Variants in ADK observed in about 807,000 individuals in gnomAD.
ADK encodes N6,N6-dimethyladenosine kinase.
A neutral mutation model predicts 44.7 loss-of-function variants in ADK; 24 were observed. The ratio of observed to expected loss-of-function variants is 0.54; its 90% CI spans 0.39 to 0.76. The LOEUF is 0.76. ADK is among the 30% of genes least tolerant of loss of function. The probability of loss-of-function intolerance (pLI) is 0.00; values close to 1 mark genes in which losing one functional copy is unlikely to be tolerated. For synonymous variants in ADK, 128 were observed against 142.6 expected (o/e 0.90, Z 0.73); for missense variants, 321 against 425.1 (o/e 0.76, Z 2.15).
chr10:74,239,611 C>T (rs1845116142), intron 3 of ADK, among the ~76,000 whole-genome samples: 1 of 148,978 alleles, frequency 6.7e-6, no homozygotes, highest in East Asian at 2.0e-4. Context: ...TATCAGGAGG[C>T]TGAGGTGGGA....
At chr10:74,371,418 A>G (rs1842653950) in intron 4 of ADK, 4 of 599,690 alleles carry the variant, frequency 6.7e-6, no homozygotes, top group South Asian at 6.2e-5. Flanking sequence ...CAAAAATCTT[A>G]AGCAGTCCCC....
At chr10:74,237,800 A>G (rs1346883083) in intron 3 of ADK, among the ~76,000 whole-genome samples, 1 of 152,170 alleles carries the variant, frequency 6.6e-6, no homozygotes, top group Non-Finnish European at 1.5e-5. Flanking sequence ...ATCAATGAGC[A>G]GAAATATTTT....
At chr10:74,645,598 T>C (rs1854027107) in intron 9 of ADK, among the ~76,000 whole-genome samples, 1 of 152,208 alleles carries the variant, frequency 6.6e-6, no homozygotes, top group Non-Finnish European at 1.5e-5. Context: ...TTCTTTATAT[T>C]AATACTTACT....
chr10:74,157,513 A>G (rs1841782000), intron 1 of ADK, among the ~76,000 whole-genome samples: 2 of 152,148 alleles, frequency 1.3e-5, no homozygotes, highest in Non-Finnish European at 2.9e-5. Flanking sequence ...ACTCTAGACC[A>G]GACAAATTTG....
At chr10:74,430,009 A>G (rs1453533128) in intron 6 of ADK, among the ~76,000 whole-genome samples, 1 of 152,196 alleles carries the variant, frequency 6.6e-6, no homozygotes, top group Admixed American at 6.5e-5. Flanking sequence ...AAACAACCTT[A>G]TTAGATTGGT....
intron 6 of ADK, among the ~76,000 whole-genome samples, chr10:74,440,038 C>T (rs548162536): frequency 6.6e-6 from 1 of 152,072 alleles, no homozygotes; most frequent in African/African-American, 2.4e-5. Flanking sequence ...ATAGTACATA[C>T]AAATAATATA....
At chr10:74,427,367 T>G (rs1039496090) in intron 6 of ADK, among the ~76,000 whole-genome samples, 3 of 151,884 alleles carry the variant, frequency 2.0e-5, no homozygotes, top group Non-Finnish European at 2.9e-5. Context: ...CCTGGCTAAT[T>G]TTTTGTATTT....
intron 7 of ADK, among the ~76,000 whole-genome samples, chr10:74,535,727 C>T (rs189798517): frequency 4.0e-5 from 6 of 151,676 alleles, no homozygotes; most frequent in Admixed American, 6.6e-5. Context: ...AGACTACAGG[C>T]GTGCACAACC....
chr10:74,281,276 C>T (rs1461492553), intron 3 of ADK, among the ~76,000 whole-genome samples: 1 of 152,236 alleles, frequency 6.6e-6, no homozygotes, highest in Non-Finnish European at 1.5e-5. Flanking sequence ...TTGAGTTCTT[C>T]TTATGCTCAT....
At chr10:74,560,712 T>C (rs1377121217) in intron 7 of ADK, among the ~76,000 whole-genome samples, 1 of 152,232 alleles carries the variant, frequency 6.6e-6, no homozygotes, top group Admixed American at 6.5e-5. Flanking sequence ...TTGAGAAGCA[T>C]AGCTAGTAGC....
chr10:74,224,843 C>T (rs112701292), intron 3 of ADK, among the ~76,000 whole-genome samples: 4,862 of 152,242 alleles, frequency 0.032, 277 homozygotes, highest in African/African-American at 0.11. Flanking sequence ...TAAAGTCTTA[C>T]TGGGAAATAT....
chr10:74,246,985 G>A (rs1446132707), intron 3 of ADK, among the ~76,000 whole-genome samples: 1 of 151,570 alleles, frequency 6.6e-6, no homozygotes, highest in Non-Finnish European at 1.5e-5. Context: ...CTTCTAATAT[G>A]ATAACTAGGG....
At chr10:74,609,670 G>A (rs1445853133) in intron 9 of ADK, among the ~76,000 whole-genome samples, 1 of 151,998 alleles carries the variant, frequency 6.6e-6, no homozygotes, top group Non-Finnish European at 1.5e-5. Flanking sequence ...GCAGACCGGA[G>A]CTGTTCCTAT....
At chr10:74,635,943 C>T (rs1260574780) in intron 9 of ADK, among the ~76,000 whole-genome samples, 1 of 151,044 alleles carries the variant, frequency 6.6e-6, no homozygotes, top group Non-Finnish European at 1.5e-5. Context: ...AAAAAATTAG[C>T]TGGGCGCAGT....
chr10:74,250,749 A>G (rs1370052311), intron 3 of ADK, among the ~76,000 whole-genome samples: 1 of 152,092 alleles, frequency 6.6e-6, no homozygotes, highest in Non-Finnish European at 1.5e-5. Flanking sequence ...GAACACAGGG[A>G]TGGATTAAAA....
rs550243004 is a variant in ADK, at chr10:74,443,889, T to C, written c.555+45310T>C. Reference sequence around the variant, plus strand: ...AGAAATATATAATGTAAAAGTGTTATTATTGCTATTTTATTTCTTATTTTA... The same window carrying C: ...AGAAATATATAATGTAAAAGTGTTACTATTGCTATTTTATTTCTTATTTTA... On this transcript the variant is annotated intron_variant, in intron 6 of 10. Coordinates refer to ENST00000539909, the MANE Select transcript of ADK (RefSeq NM_006721.4). 1.5e-4 allele frequency among the ~76,000 whole-genome samples: 23 copies of C among 152,254 alleles called. No individual in the cohort carries two copies. In the East Asian group the frequency reaches 4.4e-3, roughly 29 times the overall value.
chr10:74,172,521 T>A (rs1842192596), intron 1 of ADK, among the ~76,000 whole-genome samples: 1 of 152,012 alleles, frequency 6.6e-6, no homozygotes, highest in Non-Finnish European at 1.5e-5. Context: ...AAACCCCATC[T>A]CTTATTAAAA....
intron 3 of ADK, among the ~76,000 whole-genome samples, chr10:74,266,763 A>G (rs1846230266): frequency 6.6e-6 from 1 of 152,152 alleles, no homozygotes; most frequent in South Asian, 2.1e-4. Context: ...ATTTCTTTCT[A>G]ATTTTAAAGG....
chr10:74,247,064 T>A (rs1285045596), intron 3 of ADK, among the ~76,000 whole-genome samples: 8 of 151,936 alleles, frequency 5.3e-5, no homozygotes, highest in Non-Finnish European at 1.2e-4. Flanking sequence ...GAGATGAAAG[T>A]GTCTGAGAAC....
Sources: allele counts gnomAD v4.1 joint callset (sites outside exome capture counted in the v4.1 genomes callset), GRCh38; gene constraint gnomAD v4.1.1; transcripts MANE v1.5; gene names NCBI Gene and HGNC (gene_info 2026-07-23, HGNC 2026-07-21).